Variants in LAMA5 observed in about 807,000 individuals in gnomAD.
LAMA5 encodes the protein laminin subunit alpha 5.
LAMA5 carries 260 observed loss-of-function variants against 433.4 expected under a neutral mutation model. That is an observed-to-expected ratio of 0.60 (90% CI 0.54 to 0.66). The LOEUF is 0.66. Ranked by LOEUF, LAMA5 falls within the 30% of genes least tolerant of loss-of-function variation. The pLI, the probability that LAMA5 is intolerant of heterozygous loss-of-function variation, is 0.00. For synonymous variants in LAMA5, 2,620 were observed against 2,226.6 expected, an observed-to-expected ratio of 1.18 and a Z score of -4.97; for missense variants, 5,378 against 5,258.5, an observed-to-expected ratio of 1.02 and a Z score of -0.70.
chr20:62,310,741 T>C lies in LAMA5; in HGVS notation c.10370A>G (p.Gln3457Arg). The change falls in exon 75 of 80, where the codon CAG (glutamine) becomes CGG (arginine). Residue 3457 changes from glutamine (Q) to arginine (R), a missense_variant. Coordinates refer to ENST00000252999, the MANE Select transcript of LAMA5 (RefSeq NM_005560.6). ...GTGGGGCTGGGGGTGCTCTGCCCCC[T>C]GGTGCTGCCGGTGCGGCCCCTCCTG... is the stretch of plus-strand genomic sequence containing the variant. ...WSQEGPHRQH[Q>R]GAEHPQPHTL... The C allele has an allele frequency of 6.3e-7, 1 of 1,580,806 alleles. No individual in the cohort carries two copies. Among genetic ancestry groups the C allele is most frequent in the African/African-American group, 1.3e-5 (1 of 74,364 alleles).
rs1450419641 is a variant in LAMA5, at chr20:62,346,946, G to T, written c.1039C>A (p.Pro347Thr). ...CPGFNQQPWK[P>T]ATANSANECQ... ...TCGTTGGCACTGTTGGCAGTCGCAG[G>T]CTTCCACGGCTGCTGATTGAAGCCG... The change falls in exon 7 of 80, where the codon CCT becomes ACT. Residue 347 changes from proline to threonine, a missense_variant. Physicochemically the swap from Pro to Thr is conservative, Grantham distance 38. Transcript: ENST00000252999. 3.7e-6 allele frequency: 6 copies of T among 1,612,864 alleles called. No homozygotes were observed. In the South Asian group the frequency reaches 6.6e-5, roughly 18 times the overall value.
At position 62,313,382 on chromosome 20, in the gene LAMA5, A is replaced by G. The variant is rs1986542595; in HGVS notation, c.8737T>C (p.Tyr2913His). 1.2e-6 allele frequency: 2 copies of G among 1,601,034 alleles called. No individual in the cohort carries two copies. Among genetic ancestry groups the G allele is most frequent in the East Asian group, 4.5e-5 (2 of 44,344 alleles). ...DTLNEEVVSL[Y>H]NFERTFQLDT... is the part of the protein sequence containing the mutation. ...AGCTGGAAGGTCCTCTCGAAGTTGT[A>G]GAGGCTGACCACCTCCTCATTCAGC... Residue 2913 changes from tyrosine (Y) to histidine (H), a missense_variant, in exon 64 of 80, where the codon TAC (tyrosine) becomes CAC (histidine). Transcript: ENST00000252999.
chr20:62,324,650 C>A lies in LAMA5; in HGVS notation c.5530-96G>T. 1 of 780,686 alleles carries A rather than the reference C, an allele frequency of 1.3e-6. No homozygotes were observed. The allele number at this position is 780,686 out of a possible 1,614,324, so 48.4% of individuals were successfully genotyped here. A position where few individuals can be genotyped will look rare whatever the true frequency, so the allele number is the denominator to read the frequency against. The stretch of plus-strand genomic sequence containing the variant: ...GTCAGACCCTCAGGGATCCTGCAGG[C>A]ACGAGGCACTGGGAACCCGTGGAGC... On this transcript the variant is annotated intron_variant, in intron 41 of 79. Transcript: ENST00000252999. This position sits in a 1 kb window ranked among gnomAD's most constrained non-coding sequence, Gnocchi z 4.4.
chr20:62,350,521 C>G (rs1021924637), intron 6 of LAMA5, among the ~76,000 whole-genome samples: 2 of 152,196 alleles, frequency 1.3e-5, no homozygotes, highest in Non-Finnish European at 2.9e-5. Flanking sequence ...CCCGCCTCCC[C>G]ACCTCCCCTG....
Position 62,332,418 on chromosome 20 carries a change from G to A in LAMA5, c.3506C>T (p.Ser1169Leu), listed in dbSNP as rs749033109. 63 of 1,612,704 alleles carry A rather than the reference G, an allele frequency of 3.9e-5. No homozygotes were observed. The highest frequency in any genetic ancestry group is 5.0e-5 in the Admixed American group (3 of 59,998). The change falls in exon 28 of 80, where the codon TCG becomes TTG. Residue 1169 changes from serine (S) to leucine (L), a missense_variant. Transcript: ENST00000252999. ...GGCTGTGAGCCTCACGCTGGCCTCC[G>A]AGTCCAGGTGGAAGACAGCCAGGTG... Reference protein sequence around the residue: ...QDHLAVFHLDSEASVRLTAEQ... With the variant: ...QDHLAVFHLDLEASVRLTAEQ...
chr20:62,314,387 C>T lies in LAMA5; in HGVS notation c.8421G>A (p.Val2807=), dbSNP rs748950722. The T allele has an allele frequency of 2.5e-6, 4 of 1,613,468 alleles. No homozygotes were observed. Among genetic ancestry groups the T allele is most frequent in the Non-Finnish European group, 3.4e-6 (4 of 1,179,950 alleles). The part of the protein sequence containing the change: ...VSLRDKKVHW[V]YQLGEAGPAV... Reference sequence around the variant, plus strand: ...CAGGGCCCGCCTCACCCAGCTGATACACCCAGTGCACCTTCTTGTCACGCA... The same window carrying T: ...CAGGGCCCGCCTCACCCAGCTGATATACCCAGTGCACCTTCTTGTCACGCA... Residue 2807 remains valine (V), a synonymous_variant, in exon 62 of 80, where the codon GTG becomes GTA. Coordinates refer to ENST00000252999, the MANE Select transcript of LAMA5 (RefSeq NM_005560.6).
Position 62,309,798 on chromosome 20 carries a change from G to T in LAMA5, c.10866C>A (p.Asp3622Glu). 6.2e-7 allele frequency: 1 copy of T among 1,610,580 alleles called. No homozygotes were observed. The change falls in exon 79 of 80, where the codon GAC becomes GAA. Residue 3622 changes from aspartate to glutamate, a missense_variant. Coordinates refer to ENST00000252999, the MANE Select transcript of LAMA5 (RefSeq NM_005560.6). ...KSGNVLRLEV[D>E]AQSNHTVGPL... ...GGCCCACGGTGTGGTTGCTCTGCGCGTCCACCTCCAGCCGGAGCACATTCC... is the reference window on the plus strand; with the variant it reads ...GGCCCACGGTGTGGTTGCTCTGCGCTTCCACCTCCAGCCGGAGCACATTCC...
At chr20:62,362,596 G>C in intron 1 of LAMA5, 44 bp from the exon 2 acceptor site, 1 of 1,430,232 alleles carries the variant, frequency 7.0e-7, no homozygotes, top group Non-Finnish European at 9.2e-7. Flanking sequence ...AAGGGCCGGG[G>C]CCCCCTTCCT....
At chr20:62,334,900 G>C in intron 20 of LAMA5, 121 bp downstream of exon 20, 1 of 920,454 alleles carries the variant, frequency 1.1e-6, no homozygotes, top group Non-Finnish European at 1.7e-6. Flanking sequence ...CCAAGGGGCA[G>C]CCATCCATCA....
At position 62,333,969 on chromosome 20, in the gene LAMA5, C is replaced by T. The variant is rs201937130; in HGVS notation, c.2810G>A (p.Arg937Gln). 3.5e-5 allele frequency: 57 copies of T among 1,612,810 alleles called. No homozygotes were observed. Among genetic ancestry groups the T allele is most frequent in the East Asian group, 6.7e-5 (3 of 44,848 alleles). ...LFWLVFRYVN[R>Q]GAMSVSGRVS... ...CCGCCCGCTCACACTCATGGCCCCC[C>T]GGTTGACGTATCGGAAGACGAGCCA... Residue 937 changes from arginine (R) to glutamine (Q), a missense_variant, in exon 23 of 80, where the codon CGG (arginine) becomes CAG (glutamine). Arg to Gln is a conservative substitution (Grantham distance 43). Coordinates refer to ENST00000252999, the MANE Select transcript of LAMA5 (RefSeq NM_005560.6).
intron 70 of LAMA5, 42 bp from the exon 71 acceptor site, chr20:62,311,826 GCC>G: frequency 2.1e-6 from 1 of 487,156 alleles, no homozygotes; most frequent in Non-Finnish European, 3.5e-6. Context: ...TCCCCACCCT[GCC>G]CACCCCCACC....
chr20:62,351,977 G>A lies in LAMA5; in HGVS notation c.790C>T (p.Leu264=), dbSNP rs769005720. The change falls in exon 5 of 80, where the codon CTG becomes TTG. Residue 264 remains leucine (L), a synonymous_variant. Transcript: ENST00000252999. The stretch of plus-strand genomic sequence containing the variant: ...TGGCCCAGCAGCGTGTTGGTACGCA[G>A]GAAGCGCAGGCGGACGTTGGTGGCC... ...TKATNVRLRF[L]RTNTLLGHLM... is the part of the protein sequence containing the mutation. The A allele has an allele frequency of 1.2e-6, 2 of 1,612,634 alleles. No homozygotes were observed. The highest frequency in any genetic ancestry group is 1.7e-6 in the Non-Finnish European group (2 of 1,179,910).
At chr20:62,326,289 T>C (rs1437581361) in intron 40 of LAMA5, among the ~76,000 whole-genome samples, 1 of 150,446 alleles carries the variant, frequency 6.6e-6, no homozygotes, top group Non-Finnish European at 1.5e-5. Flanking sequence ...AAGACGGTTG[T>C]TACTCTGAAG....
intron 1 of LAMA5, among the ~76,000 whole-genome samples, chr20:62,366,496 G>A (rs1422713349): frequency 6.6e-6 from 1 of 152,212 alleles, no homozygotes; most frequent in East Asian, 1.9e-4. Context: ...TCCGAGAGGG[G>A]CTAGTGGGAG....
chr20:62,336,208 A>G, intron 18 of LAMA5, 132 bp downstream of exon 18: 1 of 607,530 alleles, frequency 1.6e-6, no homozygotes, highest in Non-Finnish European at 2.9e-6. Flanking sequence ...ATATCCCACC[A>G]CTCCCTCCAG....
intron 45 of LAMA5, 30 bp from the exon 46 acceptor site, chr20:62,322,788 G>A: frequency 7.3e-7 from 1 of 1,375,910 alleles, no homozygotes; most frequent in Non-Finnish European, 9.6e-7. Flanking sequence ...CTGCAGCCCT[G>A]GGCCCTCTCA....
At position 62,347,045 on chromosome 20, in the gene LAMA5, A is replaced by AG. The variant is rs755266169; in HGVS notation, c.957-18dup. ...CACTGCAGCCTGTGGGGTACACAGG[A>AG]GGGGGGATCAGGCCCATCCTGGAGG... On this transcript the variant is annotated splice_polypyrimidine_tract_variant and intron_variant, in intron 6 of 79. Transcript: ENST00000252999. 9 of 1,593,186 alleles carry AG rather than the reference A, an allele frequency of 5.6e-6. No homozygotes were observed. The highest frequency in any genetic ancestry group is 2.2e-5 in the East Asian group (1 of 44,726).
At chr20:62,326,407 G>C (rs1437512733) in intron 40 of LAMA5, 3 of 428,158 alleles carry the variant, frequency 7.0e-6, no homozygotes, top group Non-Finnish European at 1.3e-5. Context: ...AGTGCATGGA[G>C]GAAGCCAACA....
chr20:62,309,803 C>T lies in LAMA5; in HGVS notation c.10861G>A (p.Val3621Met). 6.2e-7 allele frequency: 1 copy of T among 1,611,226 alleles called. No homozygotes were observed. Residue 3621 changes from valine to methionine, a missense_variant, in exon 79 of 80, where the codon GTG (valine) becomes ATG (methionine). Physicochemically the swap from Val to Met is conservative, Grantham distance 21. Transcript: ENST00000252999. ...ACGGTGTGGTTGCTCTGCGCGTCCA[C>T]CTCCAGCCGGAGCACATTCCCGCTT... is the stretch of plus-strand genomic sequence containing the variant. ...MKSGNVLRLE[V>M]DAQSNHTVGP...
Sources: allele counts gnomAD v4.1 joint callset (sites outside exome capture counted in the v4.1 genomes callset), GRCh38; gene constraint gnomAD v4.1.1; non-coding constraint Gnocchi (gnomAD v3.1); transcripts MANE v1.5; gene names NCBI Gene and HGNC (gene_info 2026-07-23, HGNC 2026-07-21).